HTR7: variants seen among roughly 807,000 people sequenced by gnomAD.
HTR7 encodes 5-hydroxytryptamine receptor 7, also known as 5-HT-7.
Under a neutral mutation model 34.0 loss-of-function variants are expected in HTR7, and 16 were observed. That is an observed-to-expected ratio of 0.47 (90% CI 0.32 to 0.71). The LOEUF is 0.71. Among genes scored for constraint, HTR7 ranks in the 30% least tolerant of loss-of-function variants. The probability of loss-of-function intolerance (pLI) is 0.04; values close to 1 mark genes in which losing one functional copy is unlikely to be tolerated. For synonymous variants in HTR7, 265 were observed against 260.2 expected (o/e 1.02, Z -0.18); for missense variants, 504 against 625.5 (o/e 0.81, Z 2.07).
At chr10:90,759,448 G>A (rs976422577) in intron 1 of HTR7, among the ~76,000 whole-genome samples, 7 of 150,884 alleles carry the variant, frequency 4.6e-5, no homozygotes, top group Admixed American at 1.3e-4. Context: ...GAGGTCAGGA[G>A]ATCGAGACCA....
At chr10:90,788,592 T>C (rs1173670035) in intron 1 of HTR7, among the ~76,000 whole-genome samples, 3 of 152,224 alleles carry the variant, frequency 2.0e-5, no homozygotes, top group Non-Finnish European at 4.4e-5. Context: ...CACATTCTTT[T>C]ACTAAATATT....
chr10:90,844,588 G>T (rs568099835), intron 1 of HTR7, among the ~76,000 whole-genome samples: 1 of 151,428 alleles, frequency 6.6e-6, no homozygotes, highest in Admixed American at 6.6e-5. Context: ...TTAGCCGGGC[G>T]TGGTGGTGGG....
intron 1 of HTR7, among the ~76,000 whole-genome samples, chr10:90,810,803 A>T (rs1359254407): frequency 1.3e-5 from 2 of 152,160 alleles, no homozygotes; most frequent in East Asian, 1.9e-4. Flanking sequence ...CTTAACAGAC[A>T]TCCCCCATTA....
intron 2 of HTR7, among the ~76,000 whole-genome samples, chr10:90,746,236 G>C (rs146093653): frequency 6.6e-6 from 1 of 152,202 alleles, no homozygotes; most frequent in African/African-American, 2.4e-5. Flanking sequence ...GTGTCTGAGA[G>C]TGAATCCTCA....
At chr10:90,784,351 C>A (rs1049710185) in intron 1 of HTR7, among the ~76,000 whole-genome samples, 1 of 152,156 alleles carries the variant, frequency 6.6e-6, no homozygotes, top group African/African-American at 2.4e-5. Flanking sequence ...CTGCTCTAAT[C>A]CTTCTTAGGC....
chr10:90,748,898 A>G lies in HTR7; in HGVS notation c.1236T>C (p.Ala412=). 1 of 1,614,202 alleles carries G rather than the reference A, an allele frequency of 6.2e-7. No homozygotes were observed. The highest frequency in any genetic ancestry group is 8.5e-7 in the Non-Finnish European group (1 of 1,180,022). ...GCTTCAGGGCTTCATGCATGCCTGC[A>G]GCTGAGAGCTTCCGGTTGATATTCC... ...QYRNINRKLS[A]AGMHEALKLA... is the part of the protein sequence containing the mutation. Residue 412 remains alanine (A), a synonymous_variant, in exon 2 of 4, where the codon GCT becomes GCC. Coordinates refer to ENST00000336152, the MANE Select transcript of HTR7 (RefSeq NM_019859.4).
intron 1 of HTR7, among the ~76,000 whole-genome samples, chr10:90,833,969 G>T (rs561598447): frequency 5.3e-5 from 8 of 152,258 alleles, no homozygotes; most frequent in South Asian, 4.1e-4. Flanking sequence ...ATCCTATTTT[G>T]AAAAAACTTG....
intron 1 of HTR7, among the ~76,000 whole-genome samples, chr10:90,761,660 G>C (rs1174636620): frequency 6.6e-6 from 1 of 151,536 alleles, no homozygotes; most frequent in Non-Finnish European, 1.5e-5. Flanking sequence ...GTGTGTGTGT[G>C]TGTGGTGAGG....
chr10:90,749,497 T>C lies in HTR7; in HGVS notation c.637A>G (p.Ile213Val), dbSNP rs980457289. Residue 213 changes from isoleucine to valine, a missense_variant, in exon 2 of 4, where the codon ATC becomes GTC. Physicochemically the swap from Ile to Val is conservative, Grantham distance 29. Transcript: ENST00000336152. The surrounding 1 kb of genome is among the most constrained non-coding windows in gnomAD (Gnocchi z 4.2). ...ILSVWLLSAS[I>V]TLPPLFGWAQ... The stretch of plus-strand genomic sequence containing the variant: ...CATCCAAAGAGTGGAGGTAAGGTGA[T>C]GGAGGCGGAGAGAAGCCAGACGGAG... 2.5e-5 allele frequency: 41 copies of C among 1,614,184 alleles called. No homozygotes were observed. Among genetic ancestry groups the C allele is most frequent in the Non-Finnish European group, 3.2e-5 (38 of 1,180,020 alleles).
chr10:90,818,423 G>T (rs1395564672), intron 1 of HTR7, among the ~76,000 whole-genome samples: 1 of 152,120 alleles, frequency 6.6e-6, no homozygotes, highest in Non-Finnish European at 1.5e-5. Context: ...GTGCACACCT[G>T]TAATGCCAGC....
chr10:90,781,121 C>T (rs1000259465), intron 1 of HTR7, among the ~76,000 whole-genome samples: 3 of 152,096 alleles, frequency 2.0e-5, no homozygotes, highest in African/African-American at 7.2e-5. Context: ...ACCCTAGATC[C>T]CCAATACTGC....
At chr10:90,743,728 A>T in intron 2 of HTR7, 38 bp from the exon 3 acceptor site, 1 of 1,463,766 alleles carries the variant, frequency 6.8e-7, no homozygotes, top group East Asian at 2.3e-5. Context: ...TCCATAAGTA[A>T]ATCAAATTTT....
chr10:90,785,646 T>C (rs546388398), intron 1 of HTR7, among the ~76,000 whole-genome samples: 2 of 152,312 alleles, frequency 1.3e-5, no homozygotes, highest in East Asian at 1.9e-4. Flanking sequence ...CCTGTGGCAA[T>C]AGCCATTTCA....
At position 90,751,920 on chromosome 10, in the gene HTR7, C is replaced by T. The variant is rs367842088; in HGVS notation, c.540-2326G>A. ...TTAATCCGGAGAGATTAATAGAGTA[C>T]AAAGAACATTTCAGAATTTTAGATA... is the stretch of plus-strand genomic sequence containing the variant. On this transcript the variant is annotated intron_variant, in intron 1 of 3. Transcript: ENST00000336152. Among the ~76,000 whole-genome samples the T allele has an allele frequency of 1.6e-4, 24 of 152,206 alleles. 1 individual carries two copies. In the East Asian group the frequency reaches 4.4e-3, roughly 28 times the overall value.
At chr10:90,783,560 C>T (rs1252216093) in intron 1 of HTR7, among the ~76,000 whole-genome samples, 1 of 152,174 alleles carries the variant, frequency 6.6e-6, no homozygotes, top group Non-Finnish European at 1.5e-5. Context: ...TTCTTGCCAG[C>T]TCAGCCATGC....
rs898529110 is a variant in HTR7 at position 90,817,144 on chromosome 10, A to T, written c.539+39989T>A. Among the ~76,000 whole-genome samples the T allele has an allele frequency of 4.6e-5, 7 of 152,286 alleles. No homozygotes were observed. The East Asian group carries it at 1.4e-3, about 29-fold the overall frequency. On this transcript the variant is annotated intron_variant, in intron 1 of 3. Coordinates refer to ENST00000336152, the MANE Select transcript of HTR7 (RefSeq NM_019859.4). The stretch of plus-strand genomic sequence containing the variant: ...CTGGCCAATCTTAGCCAAAAGGGGG[A>T]AAAATGAGAAATAAAAACAATTCTA...
intron 1 of HTR7, among the ~76,000 whole-genome samples, chr10:90,843,098 CTTT>C (rs1297601400): frequency 6.6e-6 from 1 of 152,132 alleles, no homozygotes; most frequent in African/African-American, 2.4e-5. Flanking sequence ...GCACCATTCC[CTTT>C]TTTCTTCCCT....
chr10:90,743,197 C>A (rs1445264573), intron 3 of HTR7, among the ~76,000 whole-genome samples: 1 of 152,160 alleles, frequency 6.6e-6, no homozygotes, highest in Admixed American at 6.5e-5. Flanking sequence ...ATCTAAAGCA[C>A]CCCCTACCCT....
intron 1 of HTR7, among the ~76,000 whole-genome samples, chr10:90,792,281 T>G (rs1845470491): frequency 6.6e-6 from 1 of 152,226 alleles, no homozygotes; most frequent in Non-Finnish European, 1.5e-5. Flanking sequence ...GCCTTCAGCG[T>G]CTAATTGGGT....
Sources: allele counts gnomAD v4.1 joint callset (sites outside exome capture counted in the v4.1 genomes callset), GRCh38; gene constraint gnomAD v4.1.1; non-coding constraint Gnocchi (gnomAD v3.1); transcripts MANE v1.5; gene names NCBI Gene and HGNC (gene_info 2026-07-23, HGNC 2026-07-21).